The following RDX variants were observed in gnomAD, a reference collection of about 807,000 sequenced individuals.
RDX encodes the protein radixin.
RDX carries 32 observed loss-of-function variants against 83.7 expected under a neutral mutation model. The observed-to-expected ratio is 0.38, with a 90% CI of 0.29 to 0.51. The LOEUF (loss-of-function observed/expected upper bound fraction) is 0.51, where lower values mean the gene tolerates loss of function less well. Ranked by LOEUF, RDX falls within the 20% of genes least tolerant of loss-of-function variation. RDX has a pLI of 0.87. For missense variants in RDX, 600 were observed against 689.9 expected, an observed-to-expected ratio of 0.87 and a Z score of 1.46; for synonymous variants, 229 against 222.7, an observed-to-expected ratio of 1.03 and a Z score of -0.25.
chr11:110,251,979 G>A (rs1055011184), intron 9 of RDX, among the ~76,000 whole-genome samples: 61 of 152,256 alleles, frequency 4.0e-4, no homozygotes, highest in Non-Finnish European at 7.2e-4. Flanking sequence ...AGGTATATCT[G>A]CTGGCTACTT....
chr11:110,205,123 A>C (rs1421822792), intron 14 of RDX, among the ~76,000 whole-genome samples: 1 of 152,200 alleles, frequency 6.6e-6, no homozygotes, highest in African/African-American at 2.4e-5. Flanking sequence ...AAGAAATGGC[A>C]ATGGGATCAA....
chr11:110,295,762 G>A (rs966130602), intron 1 of RDX, among the ~76,000 whole-genome samples: 3 of 152,190 alleles, frequency 2.0e-5, no homozygotes, highest in South Asian at 2.1e-4. Context: ...TGGGGTCTGA[G>A]ACACTAAAAC....
rs1040261249 is a variant in RDX, at chr11:110,258,004, C to T, written c.552-91G>A. 1.0e-4 allele frequency: 154 copies of T among 1,476,280 alleles called. 2 individuals carry two copies. The Middle Eastern group carries it at 2.3e-3, about 22-fold the overall frequency. The allele number at this position is 1,476,280 out of a possible 1,614,324, so 91.4% of individuals were successfully genotyped here. A position where few individuals can be genotyped will look rare whatever the true frequency, so the allele number is the denominator to read the frequency against. On this transcript the variant is annotated intron_variant, in intron 6 of 13. Transcript: ENST00000645495. ...CCTGGAATTAAAAATTAGTACTTTA[C>T]ATAAGTCAAACAATCTTTTGGAAAT...
intron 11 of RDX, chr11:110,236,570 T>C (rs1452729761): frequency 1.0e-5 from 2 of 192,948 alleles, no homozygotes; most frequent in African/African-American, 4.8e-5. Flanking sequence ...AATCATCTCA[T>C]TTAATACCCC....
intron 15 of RDX, among the ~76,000 whole-genome samples, chr11:110,180,802 T>C (rs554519236): frequency 6.6e-6 from 1 of 152,216 alleles, no homozygotes; most frequent in South Asian, 2.1e-4. Context: ...TTCTCTCACT[T>C]TGGGTATCTG....
At chr11:110,188,938 C>A (rs548556290) in intron 15 of RDX, among the ~76,000 whole-genome samples, 2 of 152,118 alleles carry the variant, frequency 1.3e-5, no homozygotes, top group South Asian at 4.2e-4. Context: ...AGCAACCGCA[C>A]AATAGAAACT....
chr11:110,259,754 T>C (rs1012690272), intron 5 of RDX, among the ~76,000 whole-genome samples: 1 of 152,172 alleles, frequency 6.6e-6, no homozygotes, highest in Non-Finnish European at 1.5e-5. Flanking sequence ...AGTCAATTGC[T>C]TACCATAATT....
Position 110,264,783 on chromosome 11 carries a change from T to C in RDX, c.188A>G (p.Lys63Arg), listed in dbSNP as rs1276316036. The C allele has an allele frequency of 8.1e-6, 13 of 1,604,080 alleles. No homozygotes were observed. In the Admixed American group the frequency reaches 2.2e-4, roughly 27 times the overall value. The part of the protein sequence containing the change: ...KGYSTWLKLN[K>R]KVTQQDVKKE... Reference sequence around the variant, plus strand: ...ATGTTATCGTACATATTTTACCTTTTTATTTAGTTTAAGCCATGTAGAATA... The same window carrying C: ...ATGTTATCGTACATATTTTACCTTTCTATTTAGTTTAAGCCATGTAGAATA... Residue 63 changes from lysine (K) to arginine (R), a missense_variant, in exon 4 of 14, where the codon AAA (lysine) becomes AGA (arginine). Transcript: ENST00000645495.
chr11:110,292,889 A>G (rs187342704), intron 1 of RDX, among the ~76,000 whole-genome samples: 1 of 152,324 alleles, frequency 6.6e-6, no homozygotes, highest in African/African-American at 2.4e-5. Context: ...TTCCCACACC[A>G]AATTATAAAC....
intron 15 of RDX, among the ~76,000 whole-genome samples, chr11:110,178,732 C>A (rs572676773): frequency 2.0e-5 from 3 of 152,154 alleles, no homozygotes; most frequent in Admixed American, 6.5e-5. Context: ...GTAGTGAGGG[C>A]GCAGAGAGGA....
chr11:110,271,822 G>A (rs1860322886), intron 3 of RDX, among the ~76,000 whole-genome samples: 1 of 152,050 alleles, frequency 6.6e-6, no homozygotes, highest in Admixed American at 6.6e-5. Flanking sequence ...AGGGATCTCT[G>A]TATAGCCTAT....
At chr11:110,288,689 A>G (rs1293706778) in intron 1 of RDX, among the ~76,000 whole-genome samples, 1 of 152,194 alleles carries the variant, frequency 6.6e-6, no homozygotes, top group Non-Finnish European at 1.5e-5. Flanking sequence ...CTATTGCTAT[A>G]AAAAAATTAA....
In RDX at chr11:110,184,917, G is replaced by T. The variant is rs11820557; in HGVS notation, c.*32-9683C>A. Among the ~76,000 whole-genome samples the T allele has an allele frequency of 9.4e-3, 1,426 of 152,144 alleles. 30 individuals are homozygous for T. Among genetic ancestry groups the T allele is most frequent in the African/African-American group, 0.033 (1,355 of 41,442 alleles). ...GAGACGGTGCTGACCTTGGAGGGGG[G>T]GCTAGGGCCTGAGAAAAGCACTAGG... is the stretch of plus-strand genomic sequence containing the variant. On this transcript the variant is annotated intron_variant, in intron 15 of 15. Coordinates refer to the RDX transcript ENST00000528498.
chr11:110,225,893 A>G (rs568422505), downstream of RDX, among the ~76,000 whole-genome samples: 20 of 150,024 alleles, frequency 1.3e-4, no homozygotes, highest in South Asian at 1.0e-3. Context: ...CTAAAAAAAA[A>G]AAGAAGAAGA....
At chr11:110,196,360 T>C (rs1863209486) in intron 15 of RDX, among the ~76,000 whole-genome samples, 1 of 152,232 alleles carries the variant, frequency 6.6e-6, no homozygotes, top group Non-Finnish European at 1.5e-5. Context: ...TGAGGAAATG[T>C]AATGATGTAC....
chr11:110,186,047 C>T (rs571357067), intron 15 of RDX, among the ~76,000 whole-genome samples: 11 of 152,226 alleles, frequency 7.2e-5, no homozygotes, highest in South Asian at 4.1e-4. Flanking sequence ...CTAGCTTCCC[C>T]GCTTTGTGTT....
chr11:110,196,139 G>A (rs1863203339), intron 15 of RDX: 3 of 152,204 alleles, frequency 2.0e-5, no homozygotes, highest in Admixed American at 6.5e-5. Context: ...TTATCCTAAA[G>A]CTTCCCATAA....
intron 2 of RDX, among the ~76,000 whole-genome samples, chr11:110,277,188 C>T (rs1187181120): frequency 6.6e-6 from 1 of 152,136 alleles, no homozygotes; most frequent in Admixed American, 6.5e-5. Context: ...ACACTCTCCA[C>T]TCAATTATAC....
intron 14 of RDX, among the ~76,000 whole-genome samples, chr11:110,204,514 CTTTTT>C (rs577737066): frequency 1.3e-4 from 14 of 107,720 alleles, no homozygotes; most frequent in Admixed American, 6.1e-4. Flanking sequence ...TTTTTTTTTC[CTTTTT>C]TTTTTTTTTT....
Sources: allele counts gnomAD v4.1 joint callset (sites outside exome capture counted in the v4.1 genomes callset), GRCh38; gene constraint gnomAD v4.1.1; transcripts MANE v1.5; gene names NCBI Gene and HGNC (gene_info 2026-07-23, HGNC 2026-07-21).